VKORC1: variants seen among roughly 807,000 people sequenced by gnomAD.
The protein encoded by VKORC1 is vitamin K epoxide reductase complex subunit 1, also known as phylloquinone epoxide reductase.
A neutral mutation model predicts 14.8 loss-of-function variants in VKORC1; 12 were observed. That is an observed-to-expected ratio of 0.81 (90% CI 0.52 to 1.31). The LOEUF (loss-of-function observed/expected upper bound fraction) is 1.31. Among genes scored for constraint, VKORC1 ranks in the 50% most tolerant of loss-of-function variants. VKORC1 has a pLI of 0.00. For synonymous variants in VKORC1, 94 were observed against 92.5 expected (o/e 1.02, Z -0.09); for missense variants, 223 against 215.3 (o/e 1.04, Z -0.22).
rs1055079532 is a variant in VKORC1 at position 31,091,330 on chromosome 16, G to T, written c.296C>A (p.Thr99Lys). The T allele has an allele frequency of 1.2e-6, 2 of 1,613,634 alleles. No individual in the cohort carries two copies. The highest frequency in any genetic ancestry group is 1.7e-6 in the Non-Finnish European group (2 of 1,179,898). ...CAGCATCAGGACAGAGGCCCAGCGT[G>T]TCCGCAGGCAACCTGCAAGGCAGAA... is the stretch of plus-strand genomic sequence containing the variant. ...TLQLLLGCLR[T>K]RWASVLMLLS... Residue 99 changes from threonine to lysine, a missense_variant, in exon 3 of 3, where the codon ACA becomes AAA. Thr to Lys is a moderately conservative substitution (Grantham distance 78). Transcript: ENST00000394975.
Position 31,090,963 on chromosome 16 carries a change from G to C in VKORC1, c.*171C>G. On this transcript the variant is annotated 3_prime_UTR_variant, in exon 3 of 3. Coordinates refer to ENST00000394975, the MANE Select transcript of VKORC1 (RefSeq NM_024006.6). ...AGTCAGAGGCACTGGGTGTAAAAAA[G>C]AGCGAGCGTGTGGCACATTTGGTCC... 1 of 1,109,462 alleles carries C rather than the reference G, an allele frequency of 9.0e-7. No homozygotes were observed. Among genetic ancestry groups the C allele is most frequent in the Non-Finnish European group, 1.3e-6 (1 of 781,806 alleles). The allele number at this position is 1,109,462 out of a possible 1,614,324, so 68.7% of individuals were successfully genotyped here. A position where few individuals can be genotyped will look rare whatever the true frequency, so the allele number is the denominator to read the frequency against.
rs914136023 is a variant in VKORC1 at position 31,094,744 on chromosome 16, G to T, written c.-15C>A. 8 of 1,584,194 alleles carry T rather than the reference G, an allele frequency of 5.0e-6. No homozygotes were observed. The highest frequency in any genetic ancestry group is 4.0e-5 in the African/African-American group (3 of 74,446). The stretch of plus-strand genomic sequence containing the variant: ...GTGCTGCCCATTATCTCCAGGTTCC[G>T]CCCGAGGCGCCCGCGGAGAAAACCA... On this transcript the variant is annotated 5_prime_UTR_variant, in exon 1 of 3. Transcript: ENST00000394975.
chr16:31,094,095 T>G, intron 1 of VKORC1: 3 of 1,434,064 alleles, frequency 2.1e-6, no homozygotes, highest in Non-Finnish European at 9.4e-7. Context: ...ATCTTTGCCC[T>G]GGACCCCAGA....
chr16:31,091,247 C>A lies in VKORC1; in HGVS notation c.379G>T (p.Val127Leu). 1.9e-6 allele frequency: 3 copies of A among 1,614,144 alleles called. No homozygotes were observed. The highest frequency in any genetic ancestry group is 2.5e-6 in the Non-Finnish European group (3 of 1,180,048). Reference sequence around the variant, plus strand: ...CAAACAATGCAGAAATCATAGAGCACGAAGAACAGGATCCAGGCCAGGTAG... The same window carrying A: ...CAAACAATGCAGAAATCATAGAGCAAGAAGAACAGGATCCAGGCCAGGTAG... ...SVYLAWILFF[V>L]LYDFCIVCIT... The change falls in exon 3 of 3, where the codon GTG becomes TTG. Residue 127 changes from valine (V) to leucine (L), a missense_variant. Transcript: ENST00000394975.
chr16:31,093,697 C>CTT (rs1567421749), intron 1 of VKORC1: 6 of 38,850 alleles, frequency 1.5e-4, no homozygotes, highest in South Asian at 8.5e-4. Context: ...TTAAGTAAGT[C>CTT]TCTTTTTTTT....
At chr16:31,091,886 CA>C (rs200164143) in intron 2 of VKORC1, among the ~76,000 whole-genome samples, 8 of 145,962 alleles carry the variant, frequency 5.5e-5, no homozygotes, top group East Asian at 2.0e-4. Flanking sequence ...GACTTCGTCT[CA>C]AAAAAAAAAT....
chr16:31,093,269 AGGGGC>A lies in VKORC1; in HGVS notation c.283+38_283+42del, dbSNP rs759325539. On this transcript the variant is annotated intron_variant, in intron 2 of 2. Coordinates refer to ENST00000394975, the MANE Select transcript of VKORC1 (RefSeq NM_024006.6). ...GGGGCTGAGCTGACCAAGGGGGATG[AGGGGC>A]GGGGCGGGGCGGGCAGGGAGGGGGC... is the stretch of plus-strand genomic sequence containing the variant. 2.1e-5 allele frequency: 21 copies of A among 1,006,442 alleles called. No homozygotes were observed. The East Asian group carries it at 4.3e-4, about 21-fold the overall frequency. 62.3% of individuals were successfully genotyped at this position (1,006,442 alleles called of 1,614,324 possible).
In VKORC1 at chr16:31,091,004, T is replaced by C; in HGVS notation, c.*130A>G. On this transcript the variant is annotated 3_prime_UTR_variant, in exon 3 of 3. Coordinates refer to ENST00000394975, the MANE Select transcript of VKORC1 (RefSeq NM_024006.6). ...CATTTGGTCCATTGTCATGTGCGGG[T>C]ATGGCAGGAGGAGGGGGTAATCTAG... 1 of 1,454,750 alleles carries C rather than the reference T, an allele frequency of 6.9e-7. No homozygotes were observed. The highest frequency in any genetic ancestry group is 9.3e-7 in the Non-Finnish European group (1 of 1,071,834). The allele number at this position is 1,454,750 out of a possible 1,614,324, so 90.1% of individuals were successfully genotyped here. A position where few individuals can be genotyped will look rare whatever the true frequency, so the allele number is the denominator to read the frequency against.
intron 2 of VKORC1, among the ~76,000 whole-genome samples, chr16:31,093,033 T>C (rs2057299928): frequency 6.6e-6 from 1 of 151,868 alleles, no homozygotes; most frequent in Admixed American, 6.6e-5. Context: ...GACCTCACTT[T>C]GGGCAACAGA....
At position 31,094,626 on chromosome 16, in the gene VKORC1, C is replaced by G; in HGVS notation, c.104G>C (p.Arg35Pro). ...GCAGAGCGCGCGGTAATCCCGGTCC[C>G]GGGCGCGCGCCGCCTTCACGTGCAG... ...YALHVKAARARDRDYRALCDV... is the reference protein window; with the variant it reads ...YALHVKAARAPDRDYRALCDV... Residue 35 changes from arginine to proline, a missense_variant, in exon 1 of 3, where the codon CGG becomes CCG. Coordinates refer to ENST00000394975, the MANE Select transcript of VKORC1 (RefSeq NM_024006.6). 1 of 1,606,262 alleles carries G rather than the reference C, an allele frequency of 6.2e-7. No homozygotes were observed. Among genetic ancestry groups the G allele is most frequent in the Non-Finnish European group, 8.5e-7 (1 of 1,177,912 alleles).
At position 31,090,990 on chromosome 16, in the gene VKORC1, T is replaced by C. The variant is rs2057284495; in HGVS notation, c.*144A>G. The C allele has an allele frequency of 7.3e-7, 1 of 1,375,598 alleles. No individual in the cohort carries two copies. The highest frequency in any genetic ancestry group is 1.4e-5 in the African/African-American group (1 of 69,616). 85.2% of individuals were successfully genotyped at this position (1,375,598 alleles called of 1,614,324 possible). A position where few individuals can be genotyped will look rare whatever the true frequency, so the allele number is the denominator to read the frequency against. On this transcript the variant is annotated 3_prime_UTR_variant, in exon 3 of 3. Transcript: ENST00000394975. Reference sequence around the variant, plus strand: ...GCGAGCGTGTGGCACATTTGGTCCATTGTCATGTGCGGGTATGGCAGGAGG... The same window carrying C: ...GCGAGCGTGTGGCACATTTGGTCCACTGTCATGTGCGGGTATGGCAGGAGG...
In VKORC1 at chr16:31,094,549, G is replaced by T. The variant is rs375608765; in HGVS notation, c.173+8C>A. On this transcript the variant is annotated splice_region_variant and intron_variant, in intron 1 of 2. Transcript: ENST00000394975. Reference sequence around the variant, plus strand: ...CCGAGGCCCCACGCCTCCCACTCCCGTGCACACCTGGAGGAGAAGACGCGC... The same window carrying T: ...CCGAGGCCCCACGCCTCCCACTCCCTTGCACACCTGGAGGAGAAGACGCGC... 4 of 1,612,280 alleles carry T rather than the reference G, an allele frequency of 2.5e-6. No homozygotes were observed. Among genetic ancestry groups the T allele is most frequent in the Non-Finnish European group, 3.4e-6 (4 of 1,179,654 alleles).
chr16:31,090,956 TA>T lies in VKORC1; in HGVS notation c.*177del. 1 of 1,035,800 alleles carries T rather than the reference TA, an allele frequency of 9.7e-7. No individual in the cohort carries two copies. Among genetic ancestry groups the T allele is most frequent in the Non-Finnish European group, 1.4e-6 (1 of 717,906 alleles). The allele number at this position is 1,035,800 out of a possible 1,614,324, so 64.2% of individuals were successfully genotyped here. ...GGGACAGAGTCAGAGGCACTGGGTGTAAAAAAGAGCGAGCGTGTGGCACATT... is the reference window on the plus strand; with the variant it reads ...GGGACAGAGTCAGAGGCACTGGGTGTAAAAAGAGCGAGCGTGTGGCACATT... On this transcript the variant is annotated 3_prime_UTR_variant, in exon 3 of 3. Coordinates refer to ENST00000394975, the MANE Select transcript of VKORC1 (RefSeq NM_024006.6).
intron 2 of VKORC1, chr16:31,092,998 G>A (rs1397701702): frequency 7.1e-6 from 3 of 425,296 alleles, no homozygotes; most frequent in South Asian, 2.1e-5. Context: ...CTGAGATCAC[G>A]CCAGTGCACA....
intron 2 of VKORC1, among the ~76,000 whole-genome samples, chr16:31,092,252 T>A (rs1483975280): frequency 7.2e-6 from 1 of 139,596 alleles, no homozygotes; most frequent in Admixed American, 7.6e-5. Context: ...CTCAGGAGGA[T>A]CGCTTGAGCC....
rs1369903499 is a variant in VKORC1 at position 31,093,634 on chromosome 16, C to A, written c.174-213G>T. The A allele has an allele frequency of 1.2e-5, 15 of 1,302,770 alleles. No individual in the cohort carries two copies. In the Admixed American group the frequency reaches 3.6e-4, roughly 32 times the overall value. 80.7% of individuals were successfully genotyped at this position (1,302,770 alleles called of 1,614,324 possible). A position where few individuals can be genotyped will look rare whatever the true frequency, so the allele number is the denominator to read the frequency against. On this transcript the variant is annotated intron_variant, in intron 1 of 2. Transcript: ENST00000394975. Reference sequence around the variant, plus strand: ...CACTGACCCTATCCTCCCCTCTCCCCAGACCAGGCCCGGACGTGGCTACTC... The same window carrying A: ...CACTGACCCTATCCTCCCCTCTCCCAAGACCAGGCCCGGACGTGGCTACTC...
intron 2 of VKORC1, among the ~76,000 whole-genome samples, chr16:31,092,176 CAAAAA>C (rs35224256): frequency 1.3e-3 from 49 of 37,186 alleles, no homozygotes; most frequent in African/African-American, 2.5e-3. Context: ...GACTATGTCG[CAAAAA>C]AAAAAAAAAA....
chr16:31,094,029 G>A, intron 1 of VKORC1: 2 of 954,508 alleles, frequency 2.1e-6, no homozygotes, highest in Non-Finnish European at 3.0e-6. Context: ...AAATGGCAAG[G>A]CTGGTATAAC....
chr16:31,092,945 G>A (rs756021608), intron 2 of VKORC1: 1 of 431,166 alleles, frequency 2.3e-6, no homozygotes, highest in Non-Finnish European at 4.1e-6. Flanking sequence ...GGGAGGCTAA[G>A]GTGGGAGGAT....
Sources: allele counts gnomAD v4.1 joint callset (sites outside exome capture counted in the v4.1 genomes callset), GRCh38; gene constraint gnomAD v4.1.1; transcripts MANE v1.5; gene names NCBI Gene and HGNC (gene_info 2026-07-23, HGNC 2026-07-21).